The following TSPAN18 variants were observed in gnomAD, a reference collection of about 807,000 sequenced individuals.
TSPAN18 encodes tetraspanin-18.
A neutral mutation model predicts 27.3 loss-of-function variants in TSPAN18; 14 were observed. The observed-to-expected ratio is 0.51, with a 90% CI of 0.34 to 0.80. The LOEUF (loss-of-function observed/expected upper bound fraction) is 0.80. Among genes scored for constraint, TSPAN18 ranks in the 30% least tolerant of loss-of-function variants. TSPAN18 has a pLI of 0.01. For synonymous variants in TSPAN18, 143 were observed against 136.5 expected (o/e 1.05, Z -0.33); for missense variants, 268 against 323.9 (o/e 0.83, Z 1.32).
chr11:44,855,512 T>A (rs565026146), intron 2 of TSPAN18, among the ~76,000 whole-genome samples: 1 of 152,210 alleles, frequency 6.6e-6, no homozygotes, highest in Admixed American at 6.5e-5. Context: ...ATTTCTGAAA[T>A]GGCTTTATTT....
chr11:44,894,723 C>A (rs1858980761), intron 3 of TSPAN18, among the ~76,000 whole-genome samples: 1 of 152,216 alleles, frequency 6.6e-6, no homozygotes, highest in South Asian at 2.1e-4. Context: ...GGATGGCCGG[C>A]CTGGGCCATC....
At chr11:44,890,537 C>A (rs1035652976) in intron 3 of TSPAN18, among the ~76,000 whole-genome samples, 1 of 151,910 alleles carries the variant, frequency 6.6e-6, no homozygotes, top group Admixed American at 6.5e-5. Context: ...TCCTGGCTAA[C>A]ACAGTGAAAC....
At position 44,919,258 on chromosome 11, in the gene TSPAN18, G is replaced by C. The variant is rs780501744; in HGVS notation, c.378G>C (p.Gln126His). 1.9e-6 allele frequency: 3 copies of C among 1,614,104 alleles called. No individual in the cohort carries two copies. The highest frequency in any genetic ancestry group is 3.3e-4 in the Middle Eastern group (2 of 6,062). The change falls in exon 7 of 10, where the codon CAG becomes CAC. Residue 126 changes from glutamine (Q) to histidine (H), a missense_variant. Gln to His is a conservative substitution (Grantham distance 24, BLOSUM62 0). Transcript: ENST00000520358. ...CCAAGGAGCTCACCAAGCACTACCAGGGCAATAACGACACAGACGTCTTCT... is the reference window on the plus strand; with the variant it reads ...CCAAGGAGCTCACCAAGCACTACCACGGCAATAACGACACAGACGTCTTCT... Reference protein sequence around the residue: ...FFTKELTKHYQGNNDTDVFSA... With the variant: ...FFTKELTKHYHGNNDTDVFSA...
chr11:44,726,900 A>AGGGCGGGGGAGGGGGGGGGG (rs1565122648), upstream of TSPAN18: 2 of 15,990 alleles, frequency 1.3e-4, no homozygotes, highest in Admixed American at 7.1e-4. Flanking sequence ...AGGGGGAGGG[A>AGGGCGGGGGAGGGGGGGGGG]GGGCGGGGGA....
chr11:44,784,827 C>G (rs1354342392), intron 2 of TSPAN18, among the ~76,000 whole-genome samples: 1 of 152,182 alleles, frequency 6.6e-6, no homozygotes, highest in Non-Finnish European at 1.5e-5. Flanking sequence ...AGTTAAATGG[C>G]TTGTTCAGGG....
Position 44,792,323 on chromosome 11 carries a change from G to A in TSPAN18, c.-153+27811G>A, listed in dbSNP as rs561472336. Among the ~76,000 whole-genome samples, 266 of 152,302 alleles carry A rather than the reference G, an allele frequency of 1.7e-3. 1 individual carries two copies. The highest frequency in any genetic ancestry group is 6.1e-3 in the African/African-American group (253 of 41,558). On this transcript the variant is annotated intron_variant, in intron 2 of 9. Transcript: ENST00000520358. Reference sequence around the variant, plus strand: ...GCTTGGAGCATCTGCGGGGACAGTCGCAGGCAGAGGGGACCGCAGGCACGC... The same window carrying A: ...GCTTGGAGCATCTGCGGGGACAGTCACAGGCAGAGGGGACCGCAGGCACGC...
chr11:44,735,108 A>T (rs1053721573), intron 1 of TSPAN18, among the ~76,000 whole-genome samples: 9 of 152,166 alleles, frequency 5.9e-5, no homozygotes, highest in African/African-American at 2.2e-4. Context: ...CATAGTGAAC[A>T]CTTGTTCCTG....
At chr11:44,923,722 C>T (rs926095287) in intron 8 of TSPAN18, among the ~76,000 whole-genome samples, 10 of 152,136 alleles carry the variant, frequency 6.6e-5, no homozygotes, top group South Asian at 2.1e-4. Context: ...CCCTCCTCCC[C>T]GAGGGCTGTA....
At chr11:44,924,026 C>T (rs139669020) in intron 8 of TSPAN18, among the ~76,000 whole-genome samples, 281 of 152,204 alleles carry the variant, frequency 1.8e-3, no homozygotes, top group African/African-American at 2.8e-3. Flanking sequence ...CCAGTTTCCC[C>T]GGGTGAGGCA....
intron 2 of TSPAN18, among the ~76,000 whole-genome samples, chr11:44,794,550 C>T (rs1856303523): frequency 6.6e-6 from 1 of 152,080 alleles, no homozygotes; most frequent in South Asian, 2.1e-4. Context: ...CGCCTGTAAT[C>T]CCAGCTTCTT....
intron 2 of TSPAN18, among the ~76,000 whole-genome samples, chr11:44,790,544 G>T (rs1224273951): frequency 6.7e-6 from 1 of 149,358 alleles, no homozygotes; most frequent in Non-Finnish European, 1.5e-5. Context: ...GTGTGTGCAT[G>T]TTTGTGTGTG....
intron 2 of TSPAN18, among the ~76,000 whole-genome samples, chr11:44,818,800 T>C (rs1856866075): frequency 6.6e-6 from 1 of 152,200 alleles, no homozygotes; most frequent in Non-Finnish European, 1.5e-5. Flanking sequence ...ATGTCCTAGA[T>C]GAGCCTGTCA....
intron 4 of TSPAN18, among the ~76,000 whole-genome samples, chr11:44,906,684 T>C (rs1190040702): frequency 6.6e-6 from 1 of 152,038 alleles, no homozygotes; most frequent in African/African-American, 2.4e-5. Flanking sequence ...AGGAGAGACA[T>C]TTTACACAGG....
chr11:44,745,848 A>T (rs1343782282), intron 1 of TSPAN18, among the ~76,000 whole-genome samples: 5 of 152,196 alleles, frequency 3.3e-5, no homozygotes, highest in African/African-American at 1.2e-4. Context: ...TAACACGGTG[A>T]AACCCCGTCT....
chr11:44,797,533 C>T (rs1442984100), intron 2 of TSPAN18, among the ~76,000 whole-genome samples: 1 of 152,160 alleles, frequency 6.6e-6, no homozygotes, highest in Non-Finnish European at 1.5e-5. Flanking sequence ...GATTCTGTGC[C>T]TGAGCACCTG....
At chr11:44,923,512 C>A (rs904304030) in intron 8 of TSPAN18, among the ~76,000 whole-genome samples, 2 of 151,788 alleles carry the variant, frequency 1.3e-5, no homozygotes, top group Admixed American at 1.3e-4. Context: ...GATGTAAGCT[C>A]TGGGCTACAG....
chr11:44,747,385 T>C (rs941705529), intron 1 of TSPAN18, among the ~76,000 whole-genome samples: 1 of 152,170 alleles, frequency 6.6e-6, no homozygotes, highest in Non-Finnish European at 1.5e-5. Context: ...CCAAGGGACT[T>C]CCCTCCTCTA....
intron 3 of TSPAN18, among the ~76,000 whole-genome samples, chr11:44,882,294 T>G (rs1378307563): frequency 6.6e-6 from 1 of 152,048 alleles, no homozygotes; most frequent in Non-Finnish European, 1.5e-5. Context: ...TGGGGGGAAA[T>G]GAAACACCTA....
Position 44,785,979 on chromosome 11 carries a change from G to A in TSPAN18, c.-153+21467G>A, listed in dbSNP as rs111544234. Among the ~76,000 whole-genome samples the A allele has an allele frequency of 5.8e-3, 883 of 152,336 alleles. 7 individuals are homozygous for A. Among genetic ancestry groups the A allele is most frequent in the African/African-American group, 0.019 (786 of 41,578 alleles). The stretch of plus-strand genomic sequence containing the variant: ...TTTCTACAAGGTGGATACGGCAGTC[G>A]TGCCTACCTGGGCCATGTTGAGGGT... On this transcript the variant is annotated intron_variant, in intron 2 of 9. Coordinates refer to ENST00000520358, the MANE Select transcript of TSPAN18 (RefSeq NM_130783.5).
Sources: allele counts gnomAD v4.1 joint callset (sites outside exome capture counted in the v4.1 genomes callset), GRCh38; gene constraint gnomAD v4.1.1; transcripts MANE v1.5; gene names NCBI Gene and HGNC (gene_info 2026-07-23, HGNC 2026-07-21).